Variants in TYW1B observed in about 807,000 individuals in gnomAD.
TYW1B encodes the protein tRNA-yW synthesizing protein 1 homolog B.
In TYW1B, 73 loss-of-function variants were observed where a neutral mutation model predicts 86.9. The observed-to-expected ratio is 0.84, with a 90% CI of 0.70 to 1.02. The LOEUF (loss-of-function observed/expected upper bound fraction) is 1.02. Among genes scored for constraint, TYW1B ranks in the 50% least tolerant of loss-of-function variants. The pLI is 0.00. For synonymous variants in TYW1B, 248 were observed against 292.8 expected, an observed-to-expected ratio of 0.85 and a Z score of 1.56; for missense variants, 637 against 827.4, an observed-to-expected ratio of 0.77 and a Z score of 2.82.
intron 7 of TYW1B, among the ~76,000 whole-genome samples, chr7:72,747,194 C>A (rs1281400915): frequency 2.0e-5 from 3 of 152,192 alleles, no homozygotes; most frequent in African/African-American, 7.2e-5. Context: ...TGGGGAGGAA[C>A]TGAATCACAG....
chr7:72,583,313 G>A (rs1554429871), intron 13 of TYW1B, among the ~76,000 whole-genome samples: 1 of 152,170 alleles, frequency 6.6e-6, no homozygotes, highest in Admixed American at 6.6e-5. Flanking sequence ...TCGTGCCACT[G>A]CACTCCAGCC....
intron 11 of TYW1B, among the ~76,000 whole-genome samples, chr7:72,649,035 G>C (rs1554442424): frequency 6.6e-6 from 1 of 152,184 alleles, no homozygotes; most frequent in Non-Finnish European, 1.5e-5. Context: ...ATCCTTTGGA[G>C]GTTGGGAGAA....
At chr7:72,611,526 C>A (rs1345272267) in intron 13 of TYW1B, among the ~76,000 whole-genome samples, 9 of 152,078 alleles carry the variant, frequency 5.9e-5, no homozygotes, top group South Asian at 2.1e-4. Flanking sequence ...CTCTCGTCTG[C>A]CACCATGTAA....
intron 2 of TYW1B, among the ~76,000 whole-genome samples, chr7:72,822,033 G>A (rs1788836331): frequency 1.3e-5 from 2 of 151,624 alleles, no homozygotes. Context: ...ATCACTTGAG[G>A]CTAGGAGTTT....
At chr7:72,805,527 A>C (rs554454547) in intron 5 of TYW1B, among the ~76,000 whole-genome samples, 2 of 151,432 alleles carry the variant, frequency 1.3e-5, no homozygotes, top group African/African-American at 4.8e-5. Flanking sequence ...TGGGAGGATC[A>C]CCACTGCCTG....
intron 2 of TYW1B, among the ~76,000 whole-genome samples, chr7:72,819,105 C>T (rs189324781): frequency 9.2e-5 from 14 of 151,982 alleles, no homozygotes; most frequent in African/African-American, 1.4e-4. Flanking sequence ...TTATCCCAGG[C>T]GGCAGGAACA....
At chr7:72,675,562 C>CATATATATATACACACACACAT (rs1813716653) in intron 11 of TYW1B, among the ~76,000 whole-genome samples, 1 of 102,500 alleles carries the variant, frequency 9.8e-6, no homozygotes, top group Non-Finnish European at 2.2e-5. Flanking sequence ...TATATACACA[C>CATATATATATACACACACACAT]ATATATATAT....
intron 11 of TYW1B, among the ~76,000 whole-genome samples, chr7:72,667,256 T>C (rs1472738753): frequency 1.3e-5 from 2 of 152,140 alleles, no homozygotes; most frequent in African/African-American, 4.8e-5. Context: ...ACTCTCATCA[T>C]TGACTGATTA....
At chr7:72,667,779 G>A (rs1813504013) in intron 11 of TYW1B, among the ~76,000 whole-genome samples, 1 of 152,186 alleles carries the variant, frequency 6.6e-6, no homozygotes, top group Admixed American at 6.5e-5. Context: ...GTGACCTGTA[G>A]GGTATGCCTG....
At chr7:72,766,308 T>C (rs1787768039) in intron 7 of TYW1B, among the ~76,000 whole-genome samples, 1 of 152,226 alleles carries the variant, frequency 6.6e-6, no homozygotes, top group Non-Finnish European at 1.5e-5. Context: ...TTACCTTTTA[T>C]TTTCCCTTTT....
At chr7:72,729,000 A>G (rs1787057112) in intron 8 of TYW1B, 69 bp from the exon 9 acceptor site, 4 of 1,444,048 alleles carry the variant, frequency 2.8e-6, no homozygotes, top group Admixed American at 4.2e-5. Flanking sequence ...TTTATGATGA[A>G]GTCGTCCATT....
intron 11 of TYW1B, among the ~76,000 whole-genome samples, chr7:72,632,366 C>CGTATATATATTATATATAT (rs1812531441): frequency 2.8e-5 from 2 of 70,854 alleles, no homozygotes; most frequent in African/African-American, 1.6e-4. Flanking sequence ...TATATATATA[C>CGTATATATATTATATATAT]GCATATATAT....
intron 3 of TYW1B, among the ~76,000 whole-genome samples, chr7:72,811,919 CAAAA>C (rs66698234): frequency 2.5e-4 from 27 of 108,602 alleles, no homozygotes; most frequent in Admixed American, 1.1e-3. Flanking sequence ...GACTCCATCT[CAAAA>C]AAAAAAAAAA....
At chr7:72,654,866 G>A (rs1813161236) in intron 11 of TYW1B, among the ~76,000 whole-genome samples, 1 of 152,166 alleles carries the variant, frequency 6.6e-6, no homozygotes, top group Non-Finnish European at 1.5e-5. Flanking sequence ...GGGTGACAGA[G>A]AGAGACTCCA....
At chr7:72,595,197 T>C (rs562530882) in intron 13 of TYW1B, among the ~76,000 whole-genome samples, 1 of 152,142 alleles carries the variant, frequency 6.6e-6, no homozygotes, top group Non-Finnish European at 1.5e-5. Context: ...AAAAGTAAAA[T>C]AATTTTTGTT....
At chr7:72,611,884 A>G (rs1222393799) in intron 13 of TYW1B, among the ~76,000 whole-genome samples, 2 of 152,340 alleles carry the variant, frequency 1.3e-5, no homozygotes, top group East Asian at 3.9e-4. Context: ...CCACTAAACC[A>G]CGAGCTCCTT....
chr7:72,789,732 C>A (rs1788187787), intron 6 of TYW1B, among the ~76,000 whole-genome samples: 1 of 151,934 alleles, frequency 6.6e-6, no homozygotes, highest in Non-Finnish European at 1.5e-5. Flanking sequence ...CCACCTCAGG[C>A]TCCCAAAGTG....
At chr7:72,625,045 T>TAAG (rs1370008998) in intron 12 of TYW1B, among the ~76,000 whole-genome samples, 4 of 141,812 alleles carry the variant, frequency 2.8e-5, no homozygotes, top group African/African-American at 5.5e-5. Context: ...GGAGACAGAG[T>TAAG]AAGAACCTGT....
chr7:72,650,107 G>A (rs1443564251), intron 11 of TYW1B, among the ~76,000 whole-genome samples: 9 of 150,882 alleles, frequency 6.0e-5, no homozygotes, highest in Admixed American at 2.0e-4. Context: ...ATAAAGACGG[G>A]GTTTCACCGT....
Sources: allele counts gnomAD v4.1 joint callset (sites outside exome capture counted in the v4.1 genomes callset), GRCh38; gene constraint gnomAD v4.1.1; transcripts MANE v1.5; gene names NCBI Gene and HGNC (gene_info 2026-07-23, HGNC 2026-07-21).